SORCS3: variants seen among roughly 807,000 people sequenced by gnomAD.
SORCS3 encodes the protein VPS10 domain-containing receptor SorCS3.
SORCS3 carries 57 observed loss-of-function variants against 146.3 expected under a neutral mutation model. That is an observed-to-expected ratio of 0.39 (90% CI 0.31 to 0.49). The LOEUF is 0.49. SORCS3 is among the 20% of genes least tolerant of loss of function. The probability of loss-of-function intolerance (pLI) is 0.92; values close to 1 mark genes in which losing one functional copy is unlikely to be tolerated. For missense variants in SORCS3, 1,341 were observed against 1,575.5 expected, an observed-to-expected ratio of 0.85 and a Z score of 2.52; for synonymous variants, 653 against 618.5, an observed-to-expected ratio of 1.06 and a Z score of -0.83.
At chr10:104,898,471 T>C (rs2018820592) in intron 2 of SORCS3, among the ~76,000 whole-genome samples, 1 of 152,220 alleles carries the variant, frequency 6.6e-6, no homozygotes, top group African/African-American at 2.4e-5. Context: ...AGTAATTAAC[T>C]GCTTTTTTAT....
At chr10:105,004,014 T>TTTTTTTTTTTTTTTTTTTA (rs2055078247) in intron 4 of SORCS3, among the ~76,000 whole-genome samples, 1 of 151,290 alleles carries the variant, frequency 6.6e-6, no homozygotes, top group Non-Finnish European at 1.5e-5. Context: ...TTTTTTTTTT[T>TTTTTTTTTTTTTTTTTTTA]ACCAGAGAAG....
At chr10:104,652,711 A>G (rs1219411946) in intron 1 of SORCS3, among the ~76,000 whole-genome samples, 1 of 152,198 alleles carries the variant, frequency 6.6e-6, no homozygotes, top group Non-Finnish European at 1.5e-5. Flanking sequence ...TAAAATTCTC[A>G]GATGGGAGTG....
intron 5 of SORCS3, among the ~76,000 whole-genome samples, chr10:105,063,814 G>T (rs1460262439): frequency 3.3e-5 from 5 of 152,224 alleles, no homozygotes; most frequent in African/African-American, 1.2e-4. Flanking sequence ...GTCACATGCT[G>T]TATTGATAAA....
At chr10:104,823,439 A>T (rs1038634715) in intron 1 of SORCS3, among the ~76,000 whole-genome samples, 4 of 152,040 alleles carry the variant, frequency 2.6e-5, no homozygotes, top group Admixed American at 6.5e-5. Context: ...TTTAGCGACA[A>T]CTTTTTCATA....
At chr10:104,905,915 T>C (rs1589544249) in intron 2 of SORCS3, among the ~76,000 whole-genome samples, 1 of 152,196 alleles carries the variant, frequency 6.6e-6, no homozygotes, top group African/African-American at 2.4e-5. Flanking sequence ...GCCTTCCATG[T>C]GCAAGGCATT....
intron 8 of SORCS3, among the ~76,000 whole-genome samples, chr10:105,143,290 T>C (rs145387697): frequency 3.3e-5 from 5 of 152,300 alleles, no homozygotes; most frequent in Non-Finnish European, 7.4e-5. Flanking sequence ...CTTACCACTC[T>C]CTAAATGTTG....
At chr10:104,717,300 T>C (rs1165213627) in intron 1 of SORCS3, among the ~76,000 whole-genome samples, 1 of 104,400 alleles carries the variant, frequency 9.6e-6, no homozygotes, top group East Asian at 2.5e-4. Flanking sequence ...AAAAAAAATG[T>C]AAAAAAAAAA....
intron 2 of SORCS3, among the ~76,000 whole-genome samples, chr10:104,858,363 T>C (rs2018357658): frequency 6.6e-6 from 1 of 152,206 alleles, no homozygotes; most frequent in Non-Finnish European, 1.5e-5. Flanking sequence ...AAAGTTTGTA[T>C]GTTATCAAAA....
chr10:105,214,405 T>C, intron 17 of SORCS3, 37 bp from the exon 18 acceptor site: 1 of 1,609,754 alleles, frequency 6.2e-7, no homozygotes, highest in African/African-American at 1.3e-5. Flanking sequence ...AACAACACAA[T>C]CAACACAAAC....
intron 1 of SORCS3, among the ~76,000 whole-genome samples, chr10:104,790,591 G>T (rs2017485557): frequency 6.6e-6 from 1 of 152,118 alleles, no homozygotes; most frequent in Admixed American, 6.5e-5. Context: ...CTGTTGCATT[G>T]TTTGTCTCTT....
At chr10:104,763,032 C>T (rs1248796125) in intron 1 of SORCS3, among the ~76,000 whole-genome samples, 1 of 152,130 alleles carries the variant, frequency 6.6e-6, no homozygotes, top group Non-Finnish European at 1.5e-5. Flanking sequence ...TGATGTACAG[C>T]CAGAAGTGAG....
intron 1 of SORCS3, among the ~76,000 whole-genome samples, chr10:104,760,359 T>G (rs1564677266): frequency 6.6e-6 from 1 of 152,216 alleles, no homozygotes; most frequent in Non-Finnish European, 1.5e-5. Context: ...AATCAAACAT[T>G]ATTAAACAAT....
At chr10:105,142,419 C>T (rs1022495730) in intron 8 of SORCS3, among the ~76,000 whole-genome samples, 2 of 152,194 alleles carry the variant, frequency 1.3e-5, no homozygotes, top group African/African-American at 4.8e-5. Flanking sequence ...TTCTTTTTCT[C>T]ATACGTGATT....
chr10:104,728,108 C>T (rs986002326), intron 1 of SORCS3, among the ~76,000 whole-genome samples: 1 of 151,794 alleles, frequency 6.6e-6, no homozygotes, highest in Admixed American at 6.6e-5. Context: ...CATTTGTGTC[C>T]ATACCATCAG....
chr10:104,808,475 G>A (rs1043861089), intron 1 of SORCS3, among the ~76,000 whole-genome samples: 1 of 152,196 alleles, frequency 6.6e-6, no homozygotes, highest in African/African-American at 2.4e-5. Flanking sequence ...ATGAAAATAT[G>A]GAGGTAAATG....
At chr10:105,129,428 T>C (rs1045247118) in intron 7 of SORCS3, among the ~76,000 whole-genome samples, 3 of 150,466 alleles carry the variant, frequency 2.0e-5, no homozygotes, top group African/African-American at 7.4e-5. Context: ...GGCAATGTTT[T>C]GATAGCAAGT....
At chr10:104,971,495 T>G (rs889870018) in intron 3 of SORCS3, among the ~76,000 whole-genome samples, 1 of 152,204 alleles carries the variant, frequency 6.6e-6, no homozygotes, top group Non-Finnish European at 1.5e-5. Context: ...GAAACGCTCA[T>G]GGAGCTAGGG....
intron 1 of SORCS3, among the ~76,000 whole-genome samples, chr10:104,713,765 T>C (rs1251566783): frequency 6.6e-6 from 1 of 152,234 alleles, no homozygotes; most frequent in Non-Finnish European, 1.5e-5. Context: ...TGTCTTACAA[T>C]GCTGTTATCT....
intron 4 of SORCS3, among the ~76,000 whole-genome samples, chr10:105,001,064 G>A (rs760849884): frequency 2.0e-5 from 3 of 152,132 alleles, no homozygotes; most frequent in Non-Finnish European, 4.4e-5. Context: ...GGGAGATGGG[G>A]TTCTATCCAG....
Sources: allele counts gnomAD v4.1 joint callset (sites outside exome capture counted in the v4.1 genomes callset), GRCh38; gene constraint gnomAD v4.1.1; transcripts MANE v1.5; gene names NCBI Gene and HGNC (gene_info 2026-07-23, HGNC 2026-07-21).